Variants in AHI1 observed in about 807,000 individuals in gnomAD.
The protein encoded by AHI1 is Abelson helper integration site 1, also known as jouberin.
In AHI1, 123 loss-of-function variants were observed where a neutral mutation model predicts 149.3. The observed-to-expected ratio is 0.82, with a 90% confidence interval of 0.71 to 0.96. The LOEUF (loss-of-function observed/expected upper bound fraction) is 0.96, where lower values mean the gene tolerates loss of function less well. Ranked by LOEUF, AHI1 falls within the 40% of genes least tolerant of loss-of-function variation. The pLI is 0.00. For synonymous variants in AHI1, 475 were observed against 459.8 expected (o/e 1.03, Z -0.42); for missense variants, 1,439 against 1,422.7 (o/e 1.01, Z -0.18).
Position 135,466,372 on chromosome 6 carries a change from G to A in AHI1, c.191C>T (p.Pro64Leu). ...HYMKETTSDD[P>L]DTIRSNLPHI... ...GGGAAGATTGCTTCTAATAGTGTCG[G>A]GCTAGGAAAAGAAGACATGATAACA... is the stretch of plus-strand genomic sequence containing the variant. Residue 64 changes from proline (P) to leucine (L), a missense_variant and splice_region_variant, in exon 7 of 29, where the codon CCC becomes CTC. Physicochemically the swap from Pro to Leu is moderately conservative, Grantham distance 98 (BLOSUM62 -3). Coordinates refer to ENST00000265602, the MANE Select transcript of AHI1 (RefSeq NM_001134831.2). 1 of 1,611,308 alleles carries A rather than the reference G, an allele frequency of 6.2e-7. No homozygotes were observed. Among genetic ancestry groups the A allele is most frequent in the Admixed American group, 1.7e-5 (1 of 59,854 alleles).
At chr6:135,355,993 C>T (rs1335827438) in intron 24 of AHI1, among the ~76,000 whole-genome samples, 1 of 152,214 alleles carries the variant, frequency 6.6e-6, no homozygotes, top group African/African-American at 2.4e-5. Context: ...CATTTAATGG[C>T]TGCAACTAGC....
chr6:135,490,792 AAC>A, intron 4 of AHI1, 45 bp from the exon 5 acceptor site: 1 of 1,604,502 alleles, frequency 6.2e-7, no homozygotes, highest in South Asian at 1.1e-5. Context: ...ACTCTATCAT[AAC>A]ACACAACCTA....
At chr6:135,490,057 C>CT (rs905666757) in intron 5 of AHI1, 16 of 650,818 alleles carry the variant, frequency 2.5e-5, no homozygotes, top group African/African-American at 1.8e-4. Context: ...AATACAGACT[C>CT]TTTATGATTC....
chr6:135,478,161 T>TG (rs1460123707), intron 5 of AHI1, among the ~76,000 whole-genome samples: 3 of 151,994 alleles, frequency 2.0e-5, no homozygotes, highest in Non-Finnish European at 4.4e-5. Context: ...ACCAGAGAAG[T>TG]GGGGCATTGC....
intron 23 of AHI1, among the ~76,000 whole-genome samples, chr6:135,386,231 G>A (rs376657743): frequency 4.7e-5 from 7 of 149,076 alleles, no homozygotes; most frequent in African/African-American, 1.5e-4. Flanking sequence ...ATAAACAATT[G>A]TAACAAAACA....
At chr6:135,338,192 CGG>C (rs1789701444) in intron 24 of AHI1, among the ~76,000 whole-genome samples, 2 of 149,702 alleles carry the variant, frequency 1.3e-5, no homozygotes, top group Admixed American at 6.7e-5. Flanking sequence ...CCCAGCTACT[CGG>C]GAAGCTGAGG....
intron 11 of AHI1, among the ~76,000 whole-genome samples, chr6:135,451,122 G>A (rs1562202604): frequency 1.3e-5 from 2 of 151,766 alleles, no homozygotes; most frequent in South Asian, 2.1e-4. Flanking sequence ...TCAGCCTCCC[G>A]AGTAGCTGGG....
At chr6:135,396,843 CTATAGA>C (rs1779287564) in intron 22 of AHI1, among the ~76,000 whole-genome samples, 1 of 151,500 alleles carries the variant, frequency 6.6e-6, no homozygotes, top group Non-Finnish European at 1.5e-5. Flanking sequence ...ATATCCATAT[CTATAGA>C]TATAGATATA....
chr6:135,411,920 C>G (rs1406517337), intron 20 of AHI1, among the ~76,000 whole-genome samples: 20 of 151,918 alleles, frequency 1.3e-4, no homozygotes, highest in Admixed American at 1.3e-3. Flanking sequence ...ATTTCTGTAC[C>G]CTTCTTAATT....
At chr6:135,485,958 A>G (rs1474596271) in intron 5 of AHI1, among the ~76,000 whole-genome samples, 1 of 152,110 alleles carries the variant, frequency 6.6e-6, no homozygotes, top group Non-Finnish European at 1.5e-5. Context: ...TAGTTATATG[A>G]TCCTGGGTAC....
chr6:135,337,417 T>G (rs1359635484), intron 24 of AHI1, among the ~76,000 whole-genome samples: 1 of 151,994 alleles, frequency 6.6e-6, no homozygotes, highest in Non-Finnish European at 1.5e-5. Context: ...AAGTTGGTAT[T>G]TAGGGTGCAG....
chr6:135,478,739 C>A (rs1260377713), intron 5 of AHI1, among the ~76,000 whole-genome samples: 1 of 152,224 alleles, frequency 6.6e-6, no homozygotes, highest in Admixed American at 6.5e-5. Flanking sequence ...ATAGCACAGA[C>A]AATGGGGAAA....
At chr6:135,480,370 A>G (rs1793426594) in intron 5 of AHI1, among the ~76,000 whole-genome samples, 1 of 152,214 alleles carries the variant, frequency 6.6e-6, no homozygotes, top group East Asian at 1.9e-4. Flanking sequence ...AGGTGGGAGA[A>G]TTGCTTAAGC....
chr6:135,341,142 A>G (rs1390878494), intron 24 of AHI1, among the ~76,000 whole-genome samples: 1 of 152,120 alleles, frequency 6.6e-6, no homozygotes, highest in Non-Finnish European at 1.5e-5. Flanking sequence ...TAAATAGATT[A>G]AACACTCCAA....
intron 22 of AHI1, among the ~76,000 whole-genome samples, 158 bp from the exon 23 acceptor site, chr6:135,395,054 A>G (rs1442647677): frequency 2.0e-5 from 3 of 152,070 alleles, no homozygotes; most frequent in Non-Finnish European, 4.4e-5. Flanking sequence ...ACTTTACAAA[A>G]GAGAATCATT....
chr6:135,444,940 G>C (rs953633057), intron 13 of AHI1, among the ~76,000 whole-genome samples: 4 of 152,196 alleles, frequency 2.6e-5, no homozygotes, highest in African/African-American at 9.6e-5. Flanking sequence ...ACTACATTTT[G>C]AGAACTGCTG....
At position 135,453,579 on chromosome 6, in the gene AHI1, AT is replaced by A. The variant is rs1274772436; in HGVS notation, c.1345-144del. The A allele has an allele frequency of 6.3e-5, 41 of 651,368 alleles. No individual in the cohort carries two copies. In the African/African-American group the frequency reaches 7.3e-4, roughly 12 times the overall value. 40.3% of individuals were successfully genotyped at this position (651,368 alleles called of 1,614,324 possible). A position where few individuals can be genotyped will look rare whatever the true frequency, so the allele number is the denominator to read the frequency against. On this transcript the variant is annotated intron_variant, in intron 10 of 28. Transcript: ENST00000265602. ...AATAAAAACATTTTTATCTCATTTC[AT>A]TCACCTTAAAGTTAACTCATTCAGT...
At chr6:135,448,817 C>A (rs1299801575) in intron 11 of AHI1, among the ~76,000 whole-genome samples, 2 of 152,126 alleles carry the variant, frequency 1.3e-5, no homozygotes, top group African/African-American at 4.8e-5. Context: ...ATGATAAAGA[C>A]TAAACTGTAT....
chr6:135,379,980 C>G (rs1457673881), intron 23 of AHI1, among the ~76,000 whole-genome samples: 1 of 100,658 alleles, frequency 9.9e-6, no homozygotes, highest in African/African-American at 3.7e-5. Flanking sequence ...CTCCCCTTCA[C>G]CCTCTCCCTC....
Sources: allele counts gnomAD v4.1 joint callset (sites outside exome capture counted in the v4.1 genomes callset), GRCh38; gene constraint gnomAD v4.1.1; transcripts MANE v1.5; gene names NCBI Gene and HGNC (gene_info 2026-07-23, HGNC 2026-07-21).